Variants in SORBS2 observed in about 807,000 individuals in gnomAD.
SORBS2 encodes the protein sorbin and SH3 domain containing 2.
A neutral mutation model predicts 97.7 loss-of-function variants in SORBS2; 46 were observed. That is an observed-to-expected ratio of 0.47 (90% CI 0.37 to 0.60). The LOEUF (loss-of-function observed/expected upper bound fraction) is 0.60, where lower values mean the gene tolerates loss of function less well. SORBS2 is among the 20% of genes least tolerant of loss of function. The pLI is 0.00. For synonymous variants in SORBS2, 476 were observed against 473.4 expected, an observed-to-expected ratio of 1.01 and a Z score of -0.07; for missense variants, 1,316 against 1,282.3, an observed-to-expected ratio of 1.03 and a Z score of -0.40.
At chr4:185,814,945 C>T (rs948977055) in intron 1 of SORBS2, among the ~76,000 whole-genome samples, 25 of 152,248 alleles carry the variant, frequency 1.6e-4, no homozygotes, top group Non-Finnish European at 5.9e-5. Flanking sequence ...GTTTATTCTC[C>T]TTCCAAACGT....
chr4:185,927,047 G>GAT (rs1455916332), intron 1 of SORBS2, among the ~76,000 whole-genome samples: 2 of 150,684 alleles, frequency 1.3e-5, no homozygotes, highest in Non-Finnish European at 3.0e-5. Context: ...TTTTATATGT[G>GAT]ATATATATGA....
At position 185,681,858 on chromosome 4, in the gene SORBS2, T is replaced by C. The variant is rs144212523; in HGVS notation, c.-197-3036A>G. ...CGTGTAGCTGTGTTTGTGATACGTG[T>C]CACATCGTAATCTCTACTCTCAGGT... On this transcript the variant is annotated intron_variant, in intron 2 of 20. Transcript: ENST00000284776. Among the ~76,000 whole-genome samples, 290 of 152,300 alleles carry C rather than the reference T, an allele frequency of 1.9e-3. 1 individual carries two copies. Among genetic ancestry groups the C allele is most frequent in the African/African-American group, 6.8e-3 (284 of 41,566 alleles).
intron 1 of SORBS2, among the ~76,000 whole-genome samples, chr4:185,783,411 C>T (rs778735274): frequency 6.6e-6 from 1 of 152,260 alleles, no homozygotes; most frequent in Non-Finnish European, 1.5e-5. Context: ...CAAGTGAGGC[C>T]TTGGGAAGCT....
chr4:185,629,460 C>T (rs923029296), intron 5 of SORBS2, among the ~76,000 whole-genome samples: 1 of 151,352 alleles, frequency 6.6e-6, no homozygotes, highest in Non-Finnish European at 1.5e-5. Flanking sequence ...TAAATTAATG[C>T]TACTAGATAA....
intron 1 of SORBS2, among the ~76,000 whole-genome samples, chr4:185,874,858 A>ATTTTTTTT: frequency 1.1e-5 from 1 of 93,104 alleles, no homozygotes; most frequent in Non-Finnish European, 2.5e-5. Flanking sequence ...CCTTACCCTG[A>ATTTTTTTT]TTTTTTTTTT....
chr4:185,704,830 C>A (rs571945020), intron 2 of SORBS2, among the ~76,000 whole-genome samples: 14 of 152,244 alleles, frequency 9.2e-5, no homozygotes, highest in African/African-American at 2.9e-4. Context: ...ATTTCTAGTC[C>A]TTTTGATTTT....
At chr4:185,640,629 T>C (rs866560126) in intron 4 of SORBS2, among the ~76,000 whole-genome samples, 2 of 152,204 alleles carry the variant, frequency 1.3e-5, no homozygotes, top group South Asian at 4.1e-4. Flanking sequence ...TTTAATTCAA[T>C]TTATATTTGA....
chr4:185,955,513 C>T (rs2099279119), intron 1 of SORBS2, among the ~76,000 whole-genome samples: 1 of 152,214 alleles, frequency 6.6e-6, no homozygotes, highest in Non-Finnish European at 1.5e-5. Context: ...AAAGCAATCT[C>T]ATGCCTCACC....
chr4:185,666,969 A>G (rs1260794835), intron 4 of SORBS2, among the ~76,000 whole-genome samples: 1 of 152,218 alleles, frequency 6.6e-6, no homozygotes, highest in Admixed American at 6.5e-5. Flanking sequence ...CCAAGAGGCT[A>G]AACATAGCGA....
chr4:185,617,209 T>G (rs1478100668), intron 9 of SORBS2, among the ~76,000 whole-genome samples: 2 of 152,258 alleles, frequency 1.3e-5, no homozygotes, highest in Admixed American at 6.5e-5. Flanking sequence ...TAACATTATT[T>G]TATAAAACTG....
intron 2 of SORBS2, among the ~76,000 whole-genome samples, chr4:185,756,653 A>AT (rs200195740): frequency 2.6e-4 from 39 of 148,538 alleles, no homozygotes; most frequent in African/African-American, 5.9e-4. Flanking sequence ...GCGGGCTTCC[A>AT]TTTTTTTTTG....
At position 185,869,307 on chromosome 4, in the gene SORBS2, G is replaced by A. The variant is rs544372161; in HGVS notation, c.-338+86889C>T. On this transcript the variant is annotated intron_variant, in intron 1 of 20. Transcript: ENST00000284776. ...CTTTTTCAGGTAGGAAATGTATTCA[G>A]TTGGTAGGAGGAACTGGAATAACTG... is the stretch of plus-strand genomic sequence containing the variant. 1.4e-4 allele frequency among the ~76,000 whole-genome samples: 21 copies of A among 152,250 alleles called. 1 individual carries two copies. In the South Asian group the frequency reaches 4.4e-3, roughly 32 times the overall value.
At chr4:185,590,933 G>A (rs186494536) in intron 13 of SORBS2, among the ~76,000 whole-genome samples, 210 of 152,292 alleles carry the variant, frequency 1.4e-3, no homozygotes, top group African/African-American at 4.6e-3. Context: ...CTGCTAATGT[G>A]AGAAAATAAT....
intron 1 of SORBS2, among the ~76,000 whole-genome samples, chr4:185,927,894 G>A (rs920413723): frequency 1.3e-5 from 2 of 152,062 alleles, no homozygotes; most frequent in African/African-American, 4.8e-5. Context: ...TCACCAACAC[G>A]GACTTCTGAT....
chr4:185,884,861 T>C (rs1427407226), intron 1 of SORBS2, among the ~76,000 whole-genome samples: 1 of 152,228 alleles, frequency 6.6e-6, no homozygotes, highest in Non-Finnish European at 1.5e-5. Context: ...CTTGGGAGAA[T>C]TTACTACATA....
Position 185,611,987 on chromosome 4 carries a change from T to A in SORBS2, c.2596-7A>T. 6.6e-7 allele frequency: 1 copy of A among 1,516,054 alleles called. No individual in the cohort carries two copies. Among genetic ancestry groups the A allele is most frequent in the African/African-American group, 1.4e-5 (1 of 73,096 alleles). 93.9% of individuals were successfully genotyped at this position (1,516,054 alleles called of 1,614,324 possible). On this transcript the variant is annotated splice_region_variant and splice_polypyrimidine_tract_variant and intron_variant, in intron 11 of 14. Coordinates refer to ENST00000418609, the Ensembl canonical transcript of SORBS2. ...GAAGAATAACTCTATCTCCCTGTTA[T>A]GAATATGAGAAAAATGCATTAGAAA...
At chr4:185,744,289 G>A (rs11934195) in intron 2 of SORBS2, among the ~76,000 whole-genome samples, 10,695 of 152,098 alleles carry the variant, frequency 0.07, 1,263 homozygotes, top group African/African-American at 0.24. Flanking sequence ...ATGCATTATT[G>A]CATTCATGTG....
At chr4:185,742,762 GA>G (rs1433722893) in intron 2 of SORBS2, among the ~76,000 whole-genome samples, 1 of 152,228 alleles carries the variant, frequency 6.6e-6, no homozygotes, top group Non-Finnish European at 1.5e-5. Context: ...AGTCAGGCAA[GA>G]GGAATATTTG....
chr4:185,839,729 T>A (rs545156857), intron 1 of SORBS2, among the ~76,000 whole-genome samples: 1 of 152,238 alleles, frequency 6.6e-6, no homozygotes, highest in East Asian at 1.9e-4. Flanking sequence ...TGAACCACCA[T>A]AAAATAAAGG....
Sources: gnomAD v4.1 joint callset for allele counts (sites outside exome capture counted in the v4.1 genomes callset) on GRCh38, gnomAD v4.1.1 for gene constraint, MANE v1.5 for transcripts, NCBI Gene and HGNC (gene_info 2026-07-23, HGNC 2026-07-21) for gene names.